Variants in SYTL5 observed in about 807,000 individuals in gnomAD.
SYTL5 encodes synaptotagmin-like protein 5.
In SYTL5, 34 loss-of-function variants were observed where a neutral mutation model predicts 55.9. That is an observed-to-expected ratio of 0.61 (90% CI 0.46 to 0.81). The LOEUF (loss-of-function observed/expected upper bound fraction) is 0.81, where lower values mean the gene tolerates loss of function less well. Among genes scored for constraint, SYTL5 ranks in the 30% least tolerant of loss-of-function variants. The pLI, the probability that SYTL5 is intolerant of heterozygous loss-of-function variation, is 0.00. For missense variants in SYTL5, 637 were observed against 546.7 expected (o/e 1.17, Z -1.65); for synonymous variants, 221 against 188.7 (o/e 1.17, Z -1.40).
At chrX:38,120,172 A>T in intron 13 of SYTL5, among the ~76,000 whole-genome samples, 186 bp from the exon 14 acceptor site, 1 of 112,546 alleles carries the variant, frequency 8.9e-6, no homozygotes. Flanking sequence ...ATGCCTTCAT[A>T]GAGTTTTCCA....
the SYTL5 span, among the ~76,000 whole-genome samples, chrX:37,953,682 T>A: frequency 9.0e-6 from 1 of 111,058 alleles, no homozygotes; most frequent in Non-Finnish European, 1.9e-5. Context: ...GAGGGAAGAC[T>A]CTAATTGGTC....
chrX:37,900,117 GACACACAC>G, the SYTL5 span, among the ~76,000 whole-genome samples: 1 of 105,270 alleles, frequency 9.5e-6, no homozygotes, highest in Non-Finnish European at 2.0e-5. Flanking sequence ...CACACACAAA[GACACACAC>G]ACACACACAC....
chrX:38,010,140 T>C (rs1326627233), intron 1 of SYTL5, among the ~76,000 whole-genome samples: 4 of 112,301 alleles, frequency 3.6e-5, no homozygotes, highest in East Asian at 2.8e-4. Context: ...TCACTGTCAA[T>C]TGGGGATAAC....
chrX:37,953,129 CT>C, the SYTL5 span, among the ~76,000 whole-genome samples: 1 of 110,410 alleles, frequency 9.1e-6, no homozygotes, highest in Non-Finnish European at 1.9e-5. Flanking sequence ...AAGACTCTGT[CT>C]AAAAAATAAA....
chrX:38,001,565 G>A (rs753112847), upstream of SYTL5, among the ~76,000 whole-genome samples: 7 of 111,249 alleles, frequency 6.3e-5, no homozygotes, highest in African/African-American at 2.3e-4. Flanking sequence ...GTCTTTCTGT[G>A]CCTGGCCTAT....
At chrX:38,083,556 C>T (rs1936590908) in intron 6 of SYTL5, among the ~76,000 whole-genome samples, 1 of 111,162 alleles carries the variant, frequency 9.0e-6, no homozygotes, top group South Asian at 3.8e-4. Context: ...TGCGAGTAAG[C>T]CATAGAAGGC....
At chrX:37,905,237 A>AG in the SYTL5 span, among the ~76,000 whole-genome samples, 1 of 110,622 alleles carries the variant, frequency 9.0e-6, no homozygotes, top group Non-Finnish European at 1.9e-5. Context: ...TCCAAGACCC[A>AG]GGGGGGATAT....
chrX:38,076,177 C>G, intron 5 of SYTL5, among the ~76,000 whole-genome samples: 1 of 112,091 alleles, frequency 8.9e-6, no homozygotes, highest in Middle Eastern at 4.6e-3. Context: ...GCAGCTACCT[C>G]AGTTTGTCCA....
chrX:38,078,783 A>G (rs1266267444), intron 6 of SYTL5, among the ~76,000 whole-genome samples: 1 of 112,429 alleles, frequency 8.9e-6, no homozygotes, highest in Non-Finnish European at 1.9e-5. Flanking sequence ...ATGGACATGC[A>G]TCACCAAGTA....
At chrX:37,962,255 G>A in the SYTL5 span, among the ~76,000 whole-genome samples, 2 of 110,393 alleles carry the variant, frequency 1.8e-5, 1 homozygote, top group Admixed American at 1.9e-4. Context: ...CCCGGTGTGT[G>A]ATGTTCCCCT....
intron 3 of SYTL5, among the ~76,000 whole-genome samples, chrX:38,064,198 A>C (rs1451591468): frequency 9.0e-6 from 1 of 111,338 alleles, no homozygotes; most frequent in Non-Finnish European, 1.9e-5. Context: ...CAGATTGTGC[A>C]TCTGGGAATG....
the SYTL5 span, among the ~76,000 whole-genome samples, chrX:37,908,011 G>A: frequency 9.1e-6 from 1 of 110,228 alleles, no homozygotes; most frequent in African/African-American, 3.3e-5. Flanking sequence ...CAGCTACACA[G>A]GAGGCTGAGG....
Position 38,094,320 on chromosome X carries a change from A to G in SYTL5, c.857A>G (p.Asp286Gly). The change falls in exon 8 of 17, where the codon GAT becomes GGT. Residue 286 changes from aspartate (D) to glycine (G), a missense_variant. Asp to Gly is a moderately conservative substitution (Grantham distance 94, BLOSUM62 -1). Transcript: ENST00000297875. ...GAGTATGGTTTTGAAAATTCCATGG[A>G]TTTGGCTGCTATTGAAGGTACCTCT... ...SREYGFENSMDLAAIEGTSQE... is the reference protein window; with the variant it reads ...SREYGFENSMGLAAIEGTSQE... 8.3e-7 allele frequency: 1 copy of G among 1,200,929 alleles called. No individual in the cohort carries two copies. The highest frequency in any genetic ancestry group is 1.8e-5 in the South Asian group (1 of 55,347).
At chrX:38,068,442 G>A (rs937890630) in intron 3 of SYTL5, among the ~76,000 whole-genome samples, 1 of 111,687 alleles carries the variant, frequency 9.0e-6, no homozygotes, top group Middle Eastern at 4.2e-3. Flanking sequence ...ATACCCAAAG[G>A]AGAAAAAAGT....
At chrX:38,088,177 T>C (rs954345305) in intron 6 of SYTL5, among the ~76,000 whole-genome samples, 5 of 111,634 alleles carry the variant, frequency 4.5e-5, no homozygotes, top group Non-Finnish European at 9.4e-5. Flanking sequence ...GGAGTTGTGG[T>C]TGACAGTTCT....
the SYTL5 span, among the ~76,000 whole-genome samples, chrX:37,989,138 A>G: frequency 8.9e-6 from 1 of 111,868 alleles, no homozygotes; most frequent in East Asian, 2.8e-4. Flanking sequence ...CCTTTAAGGG[A>G]TCAAAAGATC....
At chrX:37,890,948 G>T in the SYTL5 span, among the ~76,000 whole-genome samples, 1 of 111,672 alleles carries the variant, frequency 9.0e-6, no homozygotes, top group African/African-American at 3.3e-5. Context: ...AAGACAGGAG[G>T]ATCACTTGAA....
chrX:38,104,116 C>A (rs1937148926), intron 10 of SYTL5, among the ~76,000 whole-genome samples: 1 of 111,934 alleles, frequency 8.9e-6, no homozygotes, highest in Non-Finnish European at 1.9e-5. Context: ...TTTGTTGCAG[C>A]AACTGCCAAA....
chrX:37,931,569 A>G, the SYTL5 span, among the ~76,000 whole-genome samples: 1 of 111,070 alleles, frequency 9.0e-6, no homozygotes, highest in African/African-American at 3.3e-5. Flanking sequence ...ATACTTGTTT[A>G]TTACCTACTT....
Sources: gnomAD v4.1 joint callset for allele counts (sites outside exome capture counted in the v4.1 genomes callset) on GRCh38, gnomAD v4.1.1 for gene constraint, MANE v1.5 for transcripts, NCBI Gene and HGNC (gene_info 2026-07-23, HGNC 2026-07-21) for gene names.